TRDN: variants seen among roughly 807,000 people sequenced by gnomAD.
The protein encoded by TRDN is triadin.
A neutral mutation model predicts 149.7 loss-of-function variants in TRDN; 161 were observed. The observed-to-expected ratio is 1.08, with a 90% CI of 0.95 to 1.23. TRDN has a LOEUF of 1.23. Ranked by LOEUF, TRDN falls within the 50% of genes most tolerant of loss-of-function variation. TRDN has a pLI of 0.00. For missense variants in TRDN, 896 were observed against 823.5 expected (o/e 1.09, Z -1.08); for synonymous variants, 294 against 250.5 (o/e 1.17, Z -1.64).
rs1160870841 is a variant in TRDN at position 123,464,913 on chromosome 6, G to A, written c.924C>T (p.Ala308=). 6.3e-7 allele frequency: 1 copy of A among 1,586,760 alleles called. No homozygotes were observed. The highest frequency in any genetic ancestry group is 1.2e-5 in the South Asian group (1 of 86,656). Residue 308 remains alanine, a synonymous_variant, in exon 10 of 41, where the codon GCC becomes GCT. Transcript: ENST00000334268. ...QASRPTPASP[A]LEEKEGEKKK... is the part of the protein sequence containing the mutation. ...AAAAAAAAAAGTACTTGCCTTCAAG[G>A]GCAGGTGATGCCGGAGTGGGTCTGG...
intron 12 of TRDN, among the ~76,000 whole-genome samples, chr6:123,398,504 G>A (rs1270109093): frequency 6.6e-6 from 1 of 152,120 alleles, no homozygotes; most frequent in Non-Finnish European, 1.5e-5. Flanking sequence ...TTATCTTGCA[G>A]TCCAAAGAGC....
intron 23 of TRDN, 73 bp downstream of exon 23, chr6:123,331,806 T>G: frequency 1.0e-6 from 1 of 1,001,152 alleles, no homozygotes; most frequent in East Asian, 2.8e-5. Flanking sequence ...AAATGATTCA[T>G]TACTTTGTTG....
chr6:123,364,816 A>G (rs1226744665), intron 20 of TRDN, among the ~76,000 whole-genome samples: 16 of 152,180 alleles, frequency 1.1e-4, no homozygotes, highest in Admixed American at 8.5e-4. Flanking sequence ...TACTGGGCCC[A>G]TGAACTCTGT....
At chr6:123,350,445 G>A (rs1295129649) in intron 21 of TRDN, 7 of 564,426 alleles carry the variant, frequency 1.2e-5, no homozygotes, top group African/African-American at 2.0e-5. Context: ...AATATTTAAA[G>A]AGAATTTAAC....
intron 21 of TRDN, among the ~76,000 whole-genome samples, chr6:123,344,801 G>A (rs9372744): frequency 0.93 from 141,184 of 152,124 alleles, 65,575 homozygotes; most frequent in East Asian, 0.99. Context: ...ACCAAGGAGC[G>A]TAATTGCTGG....
chr6:123,343,773 G>A (rs888195853), intron 21 of TRDN, among the ~76,000 whole-genome samples: 5 of 151,930 alleles, frequency 3.3e-5, no homozygotes, highest in Non-Finnish European at 5.9e-5. Flanking sequence ...TTAATTTTTA[G>A]AGTAGATTTA....
chr6:123,328,644 C>T lies in TRDN; in HGVS notation c.1471+3235G>A, dbSNP rs73534792. Among the ~76,000 whole-genome samples, 545 of 152,224 alleles carry T rather than the reference C, an allele frequency of 3.6e-3. 1 individual carries two copies. The highest frequency in any genetic ancestry group is 5.0e-3 in the Non-Finnish European group (341 of 68,002). On this transcript the variant is annotated intron_variant, in intron 23 of 40. Coordinates refer to ENST00000334268, the MANE Select transcript of TRDN (RefSeq NM_006073.4). ...AACAAGTCTCTATTTCAATACATGA[C>T]TTGCTTCAGGTCCTAGATGAGGGGC...
chr6:123,526,270 A>C (rs974449893), intron 5 of TRDN, among the ~76,000 whole-genome samples: 6 of 152,030 alleles, frequency 3.9e-5, no homozygotes, highest in African/African-American at 1.4e-4. Context: ...ACTGATGGGA[A>C]GAGAACAGAG....
chr6:123,621,322 C>T (rs1360422897), intron 1 of TRDN, among the ~76,000 whole-genome samples: 2 of 152,090 alleles, frequency 1.3e-5, no homozygotes, highest in Non-Finnish European at 2.9e-5. Flanking sequence ...TTCTAGGAGA[C>T]ACCCACAAGG....
chr6:123,244,054 ACAAAAAGGACATCCATG>A (rs1444895923), intron 38 of TRDN, among the ~76,000 whole-genome samples: 1 of 152,164 alleles, frequency 6.6e-6, no homozygotes, highest in Non-Finnish European at 1.5e-5. Context: ...ATCAACATCA[ACAAAAAGGACATCCATG>A]CAAAAACCCC....
At chr6:123,378,918 T>G (rs1582941341) in intron 16 of TRDN, among the ~76,000 whole-genome samples, 2 of 152,330 alleles carry the variant, frequency 1.3e-5, no homozygotes, top group Middle Eastern at 6.8e-3. Flanking sequence ...TAAGCTGACA[T>G]TTACATTATA....
At chr6:123,382,973 C>G (rs962818550) in intron 14 of TRDN, among the ~76,000 whole-genome samples, 1 of 151,980 alleles carries the variant, frequency 6.6e-6, no homozygotes, top group African/African-American at 2.4e-5. Flanking sequence ...TCTGTAAGAA[C>G]TTTTAAATTC....
At chr6:123,343,213 G>T (rs188767524) in intron 21 of TRDN, among the ~76,000 whole-genome samples, 1 of 151,946 alleles carries the variant, frequency 6.6e-6, no homozygotes, top group Admixed American at 6.6e-5. Context: ...ACTTTCCAAA[G>T]TTCAGTAATC....
intron 9 of TRDN, among the ~76,000 whole-genome samples, chr6:123,491,128 C>T (rs796067210): frequency 9.2e-6 from 1 of 108,352 alleles, no homozygotes; most frequent in Admixed American, 8.3e-5. Context: ...AAAGAAGGAA[C>T]GAAAGAAGGA....
At chr6:123,520,316 G>A (rs1010991420) in intron 5 of TRDN, among the ~76,000 whole-genome samples, 1 of 152,138 alleles carries the variant, frequency 6.6e-6, no homozygotes, top group African/African-American at 2.4e-5. Context: ...AATATAAGAA[G>A]TAACTACCCT....
At chr6:123,349,310 T>A (rs1263395573) in intron 21 of TRDN, among the ~76,000 whole-genome samples, 1 of 151,994 alleles carries the variant, frequency 6.6e-6, no homozygotes, top group Non-Finnish European at 1.5e-5. Flanking sequence ...AAGGAGAGTA[T>A]CCTCGTTTTC....
intron 38 of TRDN, among the ~76,000 whole-genome samples, chr6:123,238,281 A>T (rs1250275819): frequency 6.6e-6 from 1 of 152,178 alleles, no homozygotes; most frequent in Non-Finnish European, 1.5e-5. Context: ...TAAAATTCAC[A>T]TATTCAGGTT....
intron 1 of TRDN, among the ~76,000 whole-genome samples, chr6:123,600,563 G>A (rs1013872261): frequency 3.9e-5 from 6 of 152,006 alleles, no homozygotes; most frequent in African/African-American, 1.4e-4. Flanking sequence ...TATGGGAAAG[G>A]GATGGGGACA....
At chr6:123,507,056 G>C (rs942584807) in intron 7 of TRDN, among the ~76,000 whole-genome samples, 1 of 152,050 alleles carries the variant, frequency 6.6e-6, no homozygotes, top group Non-Finnish European at 1.5e-5. Flanking sequence ...GATGGAGAGA[G>C]TAAATATTCC....
Sources: allele counts gnomAD v4.1 joint callset (sites outside exome capture counted in the v4.1 genomes callset), GRCh38; gene constraint gnomAD v4.1.1; transcripts MANE v1.5; gene names NCBI Gene and HGNC (gene_info 2026-07-23, HGNC 2026-07-21).